Variants in MARS1 observed in about 807,000 individuals in gnomAD.
The protein encoded by MARS1 is methionine--tRNA ligase, cytoplasmic.
MARS1 carries 80 observed loss-of-function variants against 119.5 expected under a neutral mutation model. The observed-to-expected ratio is 0.67, with a 90% CI of 0.56 to 0.81. MARS1 has a LOEUF of 0.81. Ranked by LOEUF, MARS1 falls within the 30% of genes least tolerant of loss-of-function variation. MARS1 has a pLI of 0.00. For synonymous variants in MARS1, 418 were observed against 433.4 expected, an observed-to-expected ratio of 0.96 and a Z score of 0.44; for missense variants, 945 against 1,116.5, an observed-to-expected ratio of 0.85 and a Z score of 2.19.
rs185928589 is a variant in MARS1, at chr12:57,489,226, G to T, written c.201-41G>T. 1.6e-4 allele frequency: 265 copies of T among 1,607,356 alleles called. No homozygotes were observed. The African/African-American group carries it at 2.7e-3, about 16-fold the overall frequency. On this transcript the variant is annotated intron_variant, in intron 2 of 20. Coordinates refer to ENST00000262027, the MANE Select transcript of MARS1 (RefSeq NM_004990.4). ...GTGTGATGAGAAATGGGCTAAATGG[G>T]CCCCTCTAAGTCCATCATCTGTTGC...
chr12:57,516,150 G>C lies in MARS1; in HGVS notation c.2464-95G>C, dbSNP rs757029120. 2.9e-6 allele frequency: 4 copies of C among 1,376,930 alleles called. No homozygotes were observed. In the South Asian group the frequency reaches 3.5e-5, roughly 12 times the overall value. 85.3% of individuals were successfully genotyped at this position (1,376,930 alleles called of 1,614,324 possible). Reference sequence around the variant, plus strand: ...CCTGTCTTAACTAGAAGAGACCTTCGACTTAAAGGTAACCACTTTCCCTCT... The same window carrying C: ...CCTGTCTTAACTAGAAGAGACCTTCCACTTAAAGGTAACCACTTTCCCTCT... On this transcript the variant is annotated intron_variant, in intron 19 of 20. Transcript: ENST00000262027.
At chr12:57,504,970 C>T (rs1487164669) in intron 11 of MARS1, among the ~76,000 whole-genome samples, 3 of 151,778 alleles carry the variant, frequency 2.0e-5, no homozygotes, top group African/African-American at 7.3e-5. Context: ...TCCCAAAGTG[C>T]TGGGATTACA....
intron 14 of MARS1, 111 bp from the exon 15 acceptor site, chr12:57,512,640 C>A: frequency 1.1e-6 from 1 of 889,908 alleles, no homozygotes; most frequent in Non-Finnish European, 1.8e-6. Context: ...AGAAATGTTG[C>A]TAGACACCCA....
chr12:57,511,738 C>G lies in MARS1; in HGVS notation c.1409C>G (p.Pro470Arg), dbSNP rs1204484071. Residue 470 changes from proline (P) to arginine (R), a missense_variant, in exon 12 of 21, where the codon CCT becomes CGT. Physicochemically the swap from Pro to Arg is moderately radical, Grantham distance 103. Transcript: ENST00000262027. ...RLEEWLGRTL[P>R]GSDWTPNAQF... The stretch of plus-strand genomic sequence containing the variant: ...GAGGAGTGGTTGGGGAGGACATTGC[C>G]TGGCAGTGACTGGACACCCAATGCC... The G allele has an allele frequency of 6.2e-7, 1 of 1,614,108 alleles. No individual in the cohort carries two copies. Among genetic ancestry groups the G allele is most frequent in the South Asian group, 1.1e-5 (1 of 91,090 alleles).
At chr12:57,488,904 G>C in intron 1 of MARS1, 115 bp from the exon 2 acceptor site, 1 of 889,676 alleles carries the variant, frequency 1.1e-6, no homozygotes, top group East Asian at 2.5e-5. Context: ...TCTGGGTTGA[G>C]ACTGCCCATC....
intron 7 of MARS1, among the ~76,000 whole-genome samples, chr12:57,496,325 G>A (rs899878589): frequency 6.6e-6 from 1 of 151,222 alleles, no homozygotes; most frequent in Non-Finnish European, 1.5e-5. Context: ...CACCAGGCCC[G>A]GCTAATTTTT....
In MARS1 at chr12:57,512,015, A is replaced by G. The variant is rs774227542; in HGVS notation, c.1547A>G (p.Tyr516Cys). Residue 516 changes from tyrosine to cysteine, a missense_variant, in exon 13 of 21, where the codon TAT (tyrosine) becomes TGT (cysteine). Transcript: ENST00000262027. ...CCTCCTTCTGACCTCCAGGTATTCT[A>G]TGTCTGGTTTGATGCCACTATTGGC... The part of the protein sequence containing the change: ...PLEGFEDKVF[Y>C]VWFDATIGYL... 8.7e-6 allele frequency: 14 copies of G among 1,613,908 alleles called. No homozygotes were observed. The East Asian group carries it at 8.9e-5, about 10-fold the overall frequency.
chr12:57,501,702 A>G (rs538026894), intron 10 of MARS1, among the ~76,000 whole-genome samples: 21 of 152,056 alleles, frequency 1.4e-4, no homozygotes, highest in Non-Finnish European at 2.8e-4. Context: ...GACCCCTGTA[A>G]TCCCCGCTTC....
chr12:57,511,330 T>A (rs1306170012), intron 11 of MARS1, among the ~76,000 whole-genome samples: 1 of 151,970 alleles, frequency 6.6e-6, no homozygotes, highest in Non-Finnish European at 1.5e-5. Context: ...ACAACTGTAG[T>A]CTCAGCGCTT....
chr12:57,511,985 G>A (rs577537841), intron 12 of MARS1, 23 bp from the exon 13 acceptor site: 4 of 1,611,876 alleles, frequency 2.5e-6, no homozygotes, highest in East Asian at 2.2e-5. Flanking sequence ...TCCCTAACAT[G>A]TTTACCTCCT....
At position 57,512,759 on chromosome 12, in the gene MARS1, A is replaced by G; in HGVS notation, c.1762A>G (p.Asn588Asp). 5 of 1,613,890 alleles carry G rather than the reference A, an allele frequency of 3.1e-6. No individual in the cohort carries two copies. Among genetic ancestry groups the G allele is most frequent in the Non-Finnish European group, 4.2e-6 (5 of 1,179,778 alleles). The stretch of plus-strand genomic sequence containing the variant: ...CATTCTCCTCTGTCCAGAGTACCTG[A>G]ACTATGAGGATGGGAAATTCTCTAA... Reference protein sequence around the residue: ...VSHLIATEYLNYEDGKFSKSR... With the variant: ...VSHLIATEYLDYEDGKFSKSR... The change falls in exon 15 of 21, where the codon AAC becomes GAC. Residue 588 changes from asparagine (N) to aspartate (D), a missense_variant. Asn to Asp is a conservative substitution (Grantham distance 23, BLOSUM62 1). Coordinates refer to ENST00000262027, the MANE Select transcript of MARS1 (RefSeq NM_004990.4).
intron 11 of MARS1, among the ~76,000 whole-genome samples, chr12:57,508,769 C>A (rs1877371007): frequency 6.6e-6 from 1 of 151,846 alleles, no homozygotes; most frequent in Non-Finnish European, 1.5e-5. Flanking sequence ...ACTATGTTGG[C>A]CAGGCTGGTC....
Position 57,490,155 on chromosome 12 carries a change from C to T in MARS1, c.491-52C>T. The stretch of plus-strand genomic sequence containing the variant: ...CAAAGAAGGGGAAAGATGCCCGCTC[C>T]TGCCTACCAGGTCCTTATGTTTGCT... On this transcript the variant is annotated intron_variant, in intron 5 of 20. Transcript: ENST00000262027. The T allele has an allele frequency of 3.2e-6, 5 of 1,574,092 alleles. No homozygotes were observed. The South Asian group carries it at 3.4e-5, about 11-fold the overall frequency.
At chr12:57,503,154 T>C (rs1877010434) in intron 10 of MARS1, among the ~76,000 whole-genome samples, 1 of 152,126 alleles carries the variant, frequency 6.6e-6, no homozygotes, top group Admixed American at 6.6e-5. Flanking sequence ...TTCACTCCAT[T>C]AGCCATCACC....
chr12:57,494,287 G>A (rs1337587103), intron 7 of MARS1, among the ~76,000 whole-genome samples: 1 of 149,020 alleles, frequency 6.7e-6, no homozygotes, highest in African/African-American at 2.5e-5. Flanking sequence ...CATATATTGT[G>A]GATTCAGTTT....
Position 57,515,335 on chromosome 12 carries a change from C to T in MARS1, c.2390C>T (p.Thr797Ile), listed in dbSNP as rs146851019. 1.2e-4 allele frequency: 196 copies of T among 1,612,220 alleles called. No homozygotes were observed. In the African/African-American group the frequency reaches 2.1e-3, roughly 17 times the overall value. ...CTLPAGHQIG[T>I]VSPLFQKLEN... ...TTACCAGCAGGACACCAGATTGGCA[C>T]AGTAGGTGGAAGAGCCAGCCTCTCT... Residue 797 changes from threonine (T) to isoleucine (I), a missense_variant and splice_region_variant, in exon 18 of 21, where the codon ACA becomes ATA. Thr to Ile is a moderately conservative substitution (Grantham distance 89). Coordinates refer to ENST00000262027, the MANE Select transcript of MARS1 (RefSeq NM_004990.4).
intron 19 of MARS1, 33 bp downstream of exon 19, chr12:57,516,024 C>A: frequency 6.3e-7 from 1 of 1,597,984 alleles, no homozygotes. Flanking sequence ...CCTCGCTCCA[C>A]AACAGCCACA....
chr12:57,503,395 G>A (rs1011658905), intron 10 of MARS1, among the ~76,000 whole-genome samples: 2 of 151,918 alleles, frequency 1.3e-5, no homozygotes, highest in South Asian at 2.1e-4. Context: ...TACCAAACCC[G>A]GCTAATTTTG....
intron 7 of MARS1, among the ~76,000 whole-genome samples, chr12:57,494,376 G>A (rs925815093): frequency 7.1e-6 from 1 of 141,302 alleles, no homozygotes; most frequent in African/African-American, 2.7e-5. Flanking sequence ...CGTCCAGGCT[G>A]GAGTGCAATG....
Sources: allele counts gnomAD v4.1 joint callset (sites outside exome capture counted in the v4.1 genomes callset), GRCh38; gene constraint gnomAD v4.1.1; transcripts MANE v1.5; gene names NCBI Gene and HGNC (gene_info 2026-07-23, HGNC 2026-07-21).